HDAC9: variants seen among roughly 807,000 people sequenced by gnomAD.
The protein encoded by HDAC9 is MEF-2 interacting transcription repressor (MITR) protein.
HDAC9 carries 41 observed loss-of-function variants against 139.4 expected under a neutral mutation model. The ratio of observed to expected loss-of-function variants is 0.29; its 90% CI spans 0.23 to 0.38. The LOEUF (loss-of-function observed/expected upper bound fraction) is 0.38, where lower values mean the gene tolerates loss of function less well. HDAC9 is among the 10% of genes least tolerant of loss of function. The pLI, the probability that HDAC9 is intolerant of heterozygous loss-of-function variation, is 1.00. For missense variants in HDAC9, 1,147 were observed against 1,297.0 expected (o/e 0.88, Z 1.78); for synonymous variants, 517 against 476.2 (o/e 1.09, Z -1.12).
intron 22 of HDAC9, chr7:18,892,183 T>G (rs1169099814): frequency 1.3e-5 from 2 of 152,170 alleles, no homozygotes; most frequent in African/African-American, 4.8e-5. Context: ...ATTTGAAGAA[T>G]TGATGTCTTC....
chr7:18,939,448 G>A (rs1172986628), intron 23 of HDAC9, among the ~76,000 whole-genome samples: 2 of 151,960 alleles, frequency 1.3e-5, no homozygotes, highest in African/African-American at 4.8e-5. Context: ...TAATTCATTT[G>A]GAAAAAGGAA....
At chr7:18,235,964 CT>C (rs1277756352) in intron 2 of HDAC9, among the ~76,000 whole-genome samples, 1 of 152,174 alleles carries the variant, frequency 6.6e-6, no homozygotes, top group Non-Finnish European at 1.5e-5. Context: ...AGTAGAGGTG[CT>C]TCTACAACTG....
intron 1 of HDAC9, among the ~76,000 whole-genome samples, chr7:18,306,091 C>CA (rs966035662): frequency 1.3e-4 from 20 of 152,104 alleles, no homozygotes; most frequent in African/African-American, 4.8e-4. Flanking sequence ...GGAAGGCAGC[C>CA]AAAAAACAAT....
At chr7:18,089,154 G>C (rs1469064023) in intron 1 of HDAC9, among the ~76,000 whole-genome samples, 1 of 152,260 alleles carries the variant, frequency 6.6e-6, no homozygotes, top group African/African-American at 2.4e-5. Context: ...ATAAGGTTGT[G>C]CAGAAGGAAG....
intron 12 of HDAC9, among the ~76,000 whole-genome samples, chr7:18,686,309 C>T (rs945629217): frequency 1.3e-5 from 2 of 152,008 alleles, no homozygotes; most frequent in Admixed American, 1.3e-4. Context: ...TGTTCCAGCA[C>T]TTGTAGAAAG....
intron 21 of HDAC9, among the ~76,000 whole-genome samples, chr7:18,857,066 G>A (rs767223853): frequency 2.8e-4 from 43 of 151,976 alleles, no homozygotes; most frequent in Non-Finnish European, 4.9e-4. Flanking sequence ...TCCCATATAT[G>A]TCATGTTTCA....
At chr7:18,769,826 A>T (rs1236523523) in intron 16 of HDAC9, among the ~76,000 whole-genome samples, 1 of 152,114 alleles carries the variant, frequency 6.6e-6, no homozygotes, top group African/African-American at 2.4e-5. Flanking sequence ...ACTTGGCAGC[A>T]TGGGAGCACC....
At chr7:18,436,365 G>A (rs1791203411) in intron 1 of HDAC9, among the ~76,000 whole-genome samples, 1 of 152,098 alleles carries the variant, frequency 6.6e-6, no homozygotes, top group Admixed American at 6.6e-5. Flanking sequence ...TTTGAAAGTT[G>A]GTGTAATCGT....
chr7:18,488,993 TTTG>T (rs1028502846), intron 1 of HDAC9, among the ~76,000 whole-genome samples: 5 of 152,042 alleles, frequency 3.3e-5, no homozygotes, highest in Non-Finnish European at 7.4e-5. Flanking sequence ...ATGGTTTATT[TTTG>T]TTATTAAATT....
chr7:18,797,187 T>C (rs1792875652), intron 17 of HDAC9, among the ~76,000 whole-genome samples: 1 of 152,208 alleles, frequency 6.6e-6, no homozygotes, highest in African/African-American at 2.4e-5. Context: ...ATCCTGCAGA[T>C]AGGTTAATAA....
At chr7:18,465,546 C>T (rs543089541) in intron 1 of HDAC9, among the ~76,000 whole-genome samples, 25 of 152,216 alleles carry the variant, frequency 1.6e-4, no homozygotes, top group Admixed American at 3.9e-4. Flanking sequence ...TACAAATGCA[C>T]TCTCTTTTTT....
At chr7:18,554,537 G>A (rs527586183) in intron 2 of HDAC9, among the ~76,000 whole-genome samples, 3 of 151,852 alleles carry the variant, frequency 2.0e-5, no homozygotes, top group South Asian at 2.1e-4. Context: ...GGGTTTCACC[G>A]TGTTAGCCAG....
At chr7:18,137,538 C>A (rs892209009) in intron 1 of HDAC9, among the ~76,000 whole-genome samples, 1 of 151,798 alleles carries the variant, frequency 6.6e-6, no homozygotes, top group African/African-American at 2.4e-5. Context: ...TTGTCAAAGG[C>A]CTTTTCTGCA....
At chr7:18,643,813 T>A (rs1786492725) in intron 8 of HDAC9, among the ~76,000 whole-genome samples, 1 of 152,070 alleles carries the variant, frequency 6.6e-6, no homozygotes, top group African/African-American at 2.4e-5. Context: ...ACATGGAGTA[T>A]TCTTTTTCAG....
chr7:18,782,246 A>T lies in HDAC9; in HGVS notation c.2215-11099A>T, dbSNP rs559406620. On this transcript the variant is annotated intron_variant, in intron 16 of 25. Transcript: ENST00000686413. ...CTGAGGAAGGATAGTGTACCACATTAAACATGCACAGTGCATATGAAACCT... is the reference window on the plus strand; with the variant it reads ...CTGAGGAAGGATAGTGTACCACATTTAACATGCACAGTGCATATGAAACCT... Among the ~76,000 whole-genome samples the T allele has an allele frequency of 2.6e-5, 4 of 152,226 alleles. 1 individual carries two copies. In the South Asian group the frequency reaches 8.3e-4, roughly 32 times the overall value.
intron 11 of HDAC9, among the ~76,000 whole-genome samples, chr7:18,649,107 C>T (rs1292957790): frequency 6.6e-6 from 1 of 152,154 alleles, no homozygotes; most frequent in Admixed American, 6.6e-5. Context: ...AACTTGTATG[C>T]ATCTACGTTA....
chr7:18,321,827 G>A (rs929336785), intron 1 of HDAC9, among the ~76,000 whole-genome samples: 1 of 152,056 alleles, frequency 6.6e-6, no homozygotes, highest in Non-Finnish European at 1.5e-5. Context: ...CTTTTAAATT[G>A]GAGAGCTGTA....
At chr7:18,415,372 C>A (rs1392123533) in intron 1 of HDAC9, among the ~76,000 whole-genome samples, 6 of 152,300 alleles carry the variant, frequency 3.9e-5, no homozygotes, top group Admixed American at 3.9e-4. Flanking sequence ...CTGTTAGGAG[C>A]CTCTCAGCTG....
In HDAC9 at chr7:18,150,752, C is replaced by T. The variant is rs375286585; in HGVS notation, c.-96-11477C>T. Among the ~76,000 whole-genome samples, 37 of 152,238 alleles carry T rather than the reference C, an allele frequency of 2.4e-4. 1 individual carries two copies. The South Asian group carries it at 3.9e-3, about 16-fold the overall frequency. Reference sequence around the variant, plus strand: ...CAGGTTTTATTTTCCCAATATCACTCGATTCTCAGACTCTTGAAGATCAGA... The same window carrying T: ...CAGGTTTTATTTTCCCAATATCACTTGATTCTCAGACTCTTGAAGATCAGA... On this transcript the variant is annotated intron_variant, in intron 1 of 12. Transcript: ENST00000417496.
Sources: allele counts gnomAD v4.1 joint callset (sites outside exome capture counted in the v4.1 genomes callset), GRCh38; gene constraint gnomAD v4.1.1; transcripts MANE v1.5; gene names NCBI Gene and HGNC (gene_info 2026-07-23, HGNC 2026-07-21).